Variants in FAM135B observed in about 807,000 individuals in gnomAD.
FAM135B encodes the protein family with sequence similarity 135 member B, also known as protein FAM135B.
FAM135B carries 43 observed loss-of-function variants against 127.7 expected under a neutral mutation model. The ratio of observed to expected loss-of-function variants is 0.34; its 90% CI spans 0.26 to 0.43. FAM135B has a LOEUF of 0.43. FAM135B is among the 20% of genes least tolerant of loss of function. FAM135B has a pLI of 1.00. For missense variants in FAM135B, 1,558 were observed against 1,725.6 expected (o/e 0.90, Z 1.72); for synonymous variants, 670 against 665.1 (o/e 1.01, Z -0.11).
At chr8:138,419,923 C>T (rs1429836029) in intron 1 of FAM135B, among the ~76,000 whole-genome samples, 2 of 151,982 alleles carry the variant, frequency 1.3e-5, no homozygotes, top group Non-Finnish European at 2.9e-5. Flanking sequence ...TAACATCACA[C>T]CTAGGGGAAC....
chr8:138,489,672 C>T (rs1428154890), intron 1 of FAM135B, among the ~76,000 whole-genome samples: 1 of 152,118 alleles, frequency 6.6e-6, no homozygotes, highest in Non-Finnish European at 1.5e-5. Context: ...CCAGCCTCTA[C>T]TCACCTCTCC....
chr8:138,396,943 TAG>T (rs1195323600), intron 1 of FAM135B, among the ~76,000 whole-genome samples: 1 of 152,116 alleles, frequency 6.6e-6, no homozygotes, highest in East Asian at 1.9e-4. Flanking sequence ...ATCACAGAAC[TAG>T]AGAGTCTAAG....
At chr8:138,467,952 A>T (rs1310744625) in intron 1 of FAM135B, among the ~76,000 whole-genome samples, 3 of 152,236 alleles carry the variant, frequency 2.0e-5, no homozygotes, top group Admixed American at 2.0e-4. Context: ...CGAAGTATTT[A>T]GAGTATACTG....
rs950909174 is a variant in FAM135B at position 138,130,234 on chromosome 8, C to T, written c.*2359G>A. 6.0e-5 allele frequency: 9 copies of T among 149,696 alleles called. No homozygotes were observed. Among genetic ancestry groups the T allele is most frequent in the South Asian group, 2.1e-4 (1 of 4,740 alleles). The allele number at this position is 149,696 out of a possible 1,614,324, so 9.3% of individuals were successfully genotyped here. On this transcript the variant is annotated 3_prime_UTR_variant, in exon 20 of 20. Transcript: ENST00000395297. ...TTTTATGTATATATATTTATATATT[C>T]GATATCTATATTTCAATAGAAAGAG...
chr8:138,342,627 C>T (rs889769554), intron 2 of FAM135B, among the ~76,000 whole-genome samples: 9 of 152,108 alleles, frequency 5.9e-5, no homozygotes, highest in East Asian at 1.9e-4. Flanking sequence ...AGAAACTTCA[C>T]GTATGGCATA....
intron 3 of FAM135B, among the ~76,000 whole-genome samples, chr8:138,268,953 TGAAAA>T (rs1326029016): frequency 6.6e-6 from 1 of 150,400 alleles, no homozygotes; most frequent in African/African-American, 2.5e-5. Flanking sequence ...AAAAAAGAGA[TGAAAA>T]GAAAATGGGT....
chr8:138,306,596 T>C (rs557685401), intron 3 of FAM135B, among the ~76,000 whole-genome samples: 22 of 151,024 alleles, frequency 1.5e-4, no homozygotes, highest in East Asian at 1.2e-3. Flanking sequence ...TTTTTTTTTT[T>C]TTTTGAGACA....
intron 1 of FAM135B, among the ~76,000 whole-genome samples, chr8:138,369,842 T>C (rs376791324): frequency 1.4e-4 from 22 of 152,204 alleles, no homozygotes; most frequent in African/African-American, 4.6e-4. Context: ...GTCTGAATCC[T>C]GCAAAAACTC....
intron 1 of FAM135B, among the ~76,000 whole-genome samples, chr8:138,410,357 G>A (rs1833790884): frequency 6.6e-6 from 1 of 152,128 alleles, no homozygotes; most frequent in African/African-American, 2.4e-5. Flanking sequence ...TGATCCTAAG[G>A]ATTCTGGCTT....
At chr8:138,406,498 C>A (rs1465932977) in intron 1 of FAM135B, among the ~76,000 whole-genome samples, 7 of 151,376 alleles carry the variant, frequency 4.6e-5, no homozygotes, top group Non-Finnish European at 1.0e-4. Flanking sequence ...AACATTGATG[C>A]AAAAATCCTC....
intron 1 of FAM135B, among the ~76,000 whole-genome samples, chr8:138,460,218 A>C (rs1313341920): frequency 6.6e-6 from 1 of 152,198 alleles, no homozygotes; most frequent in African/African-American, 2.4e-5. Context: ...GAGGACGCTG[A>C]GGCACAGGTA....
At chr8:138,444,199 A>C (rs1323297472) in intron 1 of FAM135B, among the ~76,000 whole-genome samples, 1 of 152,152 alleles carries the variant, frequency 6.6e-6, no homozygotes, top group Non-Finnish European at 1.5e-5. Flanking sequence ...CACAATAATA[A>C]TGGGAAACTT....
Position 138,152,979 on chromosome 8 carries a change from T to C in FAM135B, c.1496A>G (p.Gln499Arg). The C allele has an allele frequency of 6.2e-7, 1 of 1,614,222 alleles. No individual in the cohort carries two copies. ...QNHMDMCSES[Q>R]VYISIGEFQN... ...AAATTCACCAATTGATATATACACCTGAGATTCAGAGCACATGTCCATATG... is the reference window on the plus strand; with the variant it reads ...AAATTCACCAATTGATATATACACCCGAGATTCAGAGCACATGTCCATATG... Residue 499 changes from glutamine (Q) to arginine (R), a missense_variant, in exon 13 of 20, where the codon CAG becomes CGG. By Grantham distance (43) the Gln-to-Arg change is conservative. Coordinates refer to ENST00000395297, the MANE Select transcript of FAM135B (RefSeq NM_015912.4).
chr8:138,286,669 G>A (rs887715940), intron 3 of FAM135B, among the ~76,000 whole-genome samples: 10 of 152,226 alleles, frequency 6.6e-5, no homozygotes, highest in Non-Finnish European at 8.8e-5. Context: ...GGTGAGACAC[G>A]TGGGGAAAAG....
chr8:138,237,658 G>A (rs368587067), intron 7 of FAM135B, among the ~76,000 whole-genome samples: 11 of 152,248 alleles, frequency 7.2e-5, no homozygotes, highest in East Asian at 5.8e-4. Context: ...ACCCTCAGTC[G>A]TATGGGTGGG....
At chr8:138,290,299 G>A (rs181460465) in intron 3 of FAM135B, among the ~76,000 whole-genome samples, 54 of 152,264 alleles carry the variant, frequency 3.5e-4, no homozygotes, top group African/African-American at 1.2e-3. Flanking sequence ...CTGGGAGGGT[G>A]AGCTGGATTT....
rs190341686 is a variant in FAM135B, at chr8:138,187,739, T to G, written c.873+7519A>C. 1.6e-3 allele frequency among the ~76,000 whole-genome samples: 240 copies of G among 152,332 alleles called. 1 individual carries two copies. The highest frequency in any genetic ancestry group is 7.9e-3 in the East Asian group (41 of 5,178). On this transcript the variant is annotated intron_variant, in intron 9 of 19. Coordinates refer to ENST00000395297, the MANE Select transcript of FAM135B (RefSeq NM_015912.4). The stretch of plus-strand genomic sequence containing the variant: ...TATTCATAAATTCCTTTCAAACATA[T>G]GCTAATTGAGCCTGTGCCAATGAGG...
chr8:138,421,128 G>A (rs189226693), intron 1 of FAM135B, among the ~76,000 whole-genome samples: 48 of 152,244 alleles, frequency 3.2e-4, no homozygotes, highest in Middle Eastern at 3.4e-3. Flanking sequence ...TGGCTAACAC[G>A]GTGAAACCCT....
intron 3 of FAM135B, among the ~76,000 whole-genome samples, chr8:138,310,457 G>C (rs57609043): frequency 6.6e-6 from 1 of 151,954 alleles, no homozygotes; most frequent in East Asian, 1.9e-4. Flanking sequence ...AAGTGCCACC[G>C]ACACCGCCTA....
Sources: gnomAD v4.1 joint callset for allele counts (sites outside exome capture counted in the v4.1 genomes callset) on GRCh38, gnomAD v4.1.1 for gene constraint, MANE v1.5 for transcripts, NCBI Gene and HGNC (gene_info 2026-07-23, HGNC 2026-07-21) for gene names.